SYT1: variants seen among roughly 807,000 people sequenced by gnomAD.
The protein encoded by SYT1 is synaptotagmin-1.
Under a neutral mutation model 44.8 loss-of-function variants are expected in SYT1, and 8 were observed. That is an observed-to-expected ratio of 0.18 (90% confidence interval 0.10 to 0.32). The LOEUF (loss-of-function observed/expected upper bound fraction) is 0.32, where lower values mean the gene tolerates loss of function less well. Ranked by LOEUF, SYT1 falls within the 10% of genes least tolerant of loss-of-function variation. SYT1 has a pLI of 1.00. For missense variants in SYT1, 286 were observed against 509.3 expected, an observed-to-expected ratio of 0.56 and a Z score of 4.22; for synonymous variants, 154 against 188.8, an observed-to-expected ratio of 0.82 and a Z score of 1.51.
At chr12:79,299,038 T>G (rs572639015) in intron 7 of SYT1, among the ~76,000 whole-genome samples, 1 of 152,236 alleles carries the variant, frequency 6.6e-6, no homozygotes, top group African/African-American at 2.4e-5. Context: ...CAACAAAATA[T>G]TCTACAAGAA....
intron 9 of SYT1, among the ~76,000 whole-genome samples, chr12:79,443,640 T>C: frequency 6.6e-6 from 1 of 152,202 alleles, no homozygotes; most frequent in East Asian, 1.9e-4. Flanking sequence ...CTGTTAAGTG[T>C]TTTATTCCCA....
intron 4 of SYT1, among the ~76,000 whole-genome samples, chr12:79,254,748 A>C (rs1877421020): frequency 6.6e-6 from 1 of 152,362 alleles, no homozygotes; most frequent in South Asian, 2.1e-4. Context: ...GTTTGGAAGA[A>C]GTTGATTCCA....
At chr12:79,248,257 G>A (rs1876970056) in intron 4 of SYT1, among the ~76,000 whole-genome samples, 1 of 152,068 alleles carries the variant, frequency 6.6e-6, no homozygotes, top group African/African-American at 2.4e-5. Flanking sequence ...TAAGTGAGAT[G>A]AATGAGATGG....
chr12:78,888,506 T>C (rs1403092659), intron 1 of SYT1, among the ~76,000 whole-genome samples: 2 of 151,998 alleles, frequency 1.3e-5, no homozygotes, highest in African/African-American at 2.4e-5. Context: ...TATAGTCAAA[T>C]GCATAGCAAC....
intron 9 of SYT1, among the ~76,000 whole-genome samples, chr12:79,405,497 T>C (rs1405494): frequency 0.32 from 48,440 of 151,956 alleles, 8,214 homozygotes; most frequent in East Asian, 0.59. Flanking sequence ...ATTTTATGAC[T>C]CTTGCTATAT....
chr12:79,435,863 T>C (rs935950690), intron 9 of SYT1, among the ~76,000 whole-genome samples: 5 of 152,168 alleles, frequency 3.3e-5, no homozygotes, highest in African/African-American at 1.2e-4. Flanking sequence ...TCTCTCCTAG[T>C]AATGACAATC....
chr12:79,222,545 C>T (rs1875234749), intron 4 of SYT1, among the ~76,000 whole-genome samples: 2 of 152,006 alleles, frequency 1.3e-5, no homozygotes, highest in Admixed American at 1.3e-4. Flanking sequence ...CCATGCCCAG[C>T]TAATTTTTTG....
At chr12:79,003,619 T>G (rs1450179211) in intron 2 of SYT1, among the ~76,000 whole-genome samples, 1 of 152,002 alleles carries the variant, frequency 6.6e-6, no homozygotes, top group East Asian at 1.9e-4. Flanking sequence ...TGCTTCTTTG[T>G]TTCTGATTAC....
intron 3 of SYT1, among the ~76,000 whole-genome samples, chr12:79,133,179 G>A (rs1270265619): frequency 6.6e-6 from 1 of 152,154 alleles, no homozygotes; most frequent in Non-Finnish European, 1.5e-5. Context: ...GCACACTAAG[G>A]TAACCATAGT....
chr12:79,290,854 G>A (rs550367267), intron 5 of SYT1, among the ~76,000 whole-genome samples: 9 of 152,226 alleles, frequency 5.9e-5, no homozygotes, highest in East Asian at 3.9e-4. Context: ...ATATGTACAG[G>A]CAGTCCCCAG....
At chr12:79,263,721 T>C (rs181507746) in intron 4 of SYT1, among the ~76,000 whole-genome samples, 8 of 152,326 alleles carry the variant, frequency 5.3e-5, no homozygotes, top group African/African-American at 1.9e-4. Flanking sequence ...TTATTAAGTT[T>C]CATAGCTTTT....
intron 3 of SYT1, among the ~76,000 whole-genome samples, chr12:79,085,681 C>T (rs1015291295): frequency 4.6e-5 from 7 of 152,134 alleles, no homozygotes; most frequent in African/African-American, 1.7e-4. Context: ...TGAGCTTCAC[C>T]TCTCCAGGCT....
intron 1 of SYT1, among the ~76,000 whole-genome samples, chr12:78,880,612 G>C (rs537889591): frequency 1.3e-5 from 2 of 151,352 alleles, no homozygotes; most frequent in Non-Finnish European, 3.0e-5. Context: ...ACTGTGAATT[G>C]TCTCTCCATT....
chr12:79,377,104 GTTT>G (rs72023695), intron 9 of SYT1, among the ~76,000 whole-genome samples: 2 of 49,328 alleles, frequency 4.1e-5, no homozygotes, highest in Non-Finnish European at 6.0e-5. Flanking sequence ...AACATTTTTT[GTTT>G]TTTTGTTTTG....
chr12:78,955,800 TTGTGTGTGTGTGTG>T (rs60111282), intron 1 of SYT1, among the ~76,000 whole-genome samples: 9 of 138,700 alleles, frequency 6.5e-5, no homozygotes, highest in East Asian at 2.1e-4. Context: ...GCCAAGATAT[TTGTGTGTGTGTGTG>T]TGTGTGTGTG....
At chr12:79,366,291 A>T (rs898339917) in intron 9 of SYT1, among the ~76,000 whole-genome samples, 2 of 152,268 alleles carry the variant, frequency 1.3e-5, no homozygotes, top group Non-Finnish European at 2.9e-5. Context: ...AAAATTTTTT[A>T]AAAATAGCTT....
At chr12:78,962,800 T>G (rs1207883889) in intron 1 of SYT1, among the ~76,000 whole-genome samples, 1 of 152,184 alleles carries the variant, frequency 6.6e-6, no homozygotes, top group Admixed American at 6.5e-5. Flanking sequence ...AAAAATGATG[T>G]TTCAAAAATT....
intron 3 of SYT1, among the ~76,000 whole-genome samples, chr12:79,136,434 T>G (rs1198368260): frequency 6.6e-6 from 1 of 152,214 alleles, no homozygotes; most frequent in African/African-American, 2.4e-5. Flanking sequence ...ACTACCATAT[T>G]TTGCCAACCT....
At chr12:79,073,182 G>T (rs1231362470) in intron 3 of SYT1, among the ~76,000 whole-genome samples, 2 of 151,990 alleles carry the variant, frequency 1.3e-5, no homozygotes, top group African/African-American at 4.8e-5. Flanking sequence ...GCTCACTGCA[G>T]CCTTGAACTC....
Sources: gnomAD v4.1 joint callset for allele counts (sites outside exome capture counted in the v4.1 genomes callset) on GRCh38, gnomAD v4.1.1 for gene constraint, MANE v1.5 for transcripts, NCBI Gene and HGNC (gene_info 2026-07-23, HGNC 2026-07-21) for gene names.